STK32C: variants seen among roughly 807,000 people sequenced by gnomAD.
The protein encoded by STK32C is serine/threonine kinase 32C, also known as serine/threonine-protein kinase 32C.
STK32C carries 31 observed loss-of-function variants against 56.5 expected under a neutral mutation model. That is an observed-to-expected ratio of 0.55 (90% CI 0.41 to 0.74). The LOEUF (loss-of-function observed/expected upper bound fraction) is 0.74, where lower values mean the gene tolerates loss of function less well. STK32C is among the 30% of genes least tolerant of loss of function. The pLI is 0.00. For synonymous variants in STK32C, 309 were observed against 289.4 expected (o/e 1.07, Z -0.69); for missense variants, 544 against 676.9 (o/e 0.80, Z 2.18).
downstream of STK32C, among the ~76,000 whole-genome samples, chr10:132,319,343 A>T (rs1216434211): frequency 6.6e-6 from 1 of 152,256 alleles, no homozygotes; most frequent in Non-Finnish European, 1.5e-5. Context: ...GAATCTAGCC[A>T]AGAAAAATAA....
intron 1 of STK32C, among the ~76,000 whole-genome samples, chr10:132,283,835 G>A (rs926700479): frequency 3.3e-5 from 5 of 152,094 alleles, no homozygotes; most frequent in East Asian, 1.9e-4. Context: ...TTCTCCCCAC[G>A]CTCTGCTGGG....
intron 1 of STK32C, among the ~76,000 whole-genome samples, chr10:132,267,524 T>TGTCGGTGC (rs2064591736): frequency 6.9e-6 from 1 of 144,456 alleles, no homozygotes; most frequent in African/African-American, 2.6e-5. Context: ...TGTGTCAGTG[T>TGTCGGTGC]GTGTGCATGC....
chr10:132,235,554 T>G (rs1008835051), intron 2 of STK32C, among the ~76,000 whole-genome samples: 22 of 126,174 alleles, frequency 1.7e-4, no homozygotes, highest in African/African-American at 6.6e-4. Context: ...TGAACTAAAA[T>G]CTTTTTTACA....
intron 1 of STK32C, among the ~76,000 whole-genome samples, chr10:132,297,508 A>AT (rs1169006797): frequency 2.0e-5 from 3 of 151,928 alleles, no homozygotes; most frequent in Non-Finnish European, 2.9e-5. Context: ...TTCAGAACAG[A>AT]TTTTTTTTCC....
At chr10:132,259,609 C>T (rs952928327) in intron 1 of STK32C, among the ~76,000 whole-genome samples, 5 of 152,216 alleles carry the variant, frequency 3.3e-5, no homozygotes, top group African/African-American at 1.2e-4. Context: ...GCCATGAGAA[C>T]GTGCTGGCCT....
intron 1 of STK32C, among the ~76,000 whole-genome samples, chr10:132,248,081 C>T (rs909811103): frequency 1.9e-5 from 1 of 51,828 alleles, no homozygotes; most frequent in Non-Finnish European, 3.4e-5. Context: ...AACCTATGCA[C>T]GCCCAGAGAT....
In STK32C at chr10:132,254,497, C is replaced by T. The variant is rs951491091; in HGVS notation, c.263-8542G>A. Among the ~76,000 whole-genome samples, 594 of 127,896 alleles carry T rather than the reference C, an allele frequency of 4.6e-3. 4 individuals are homozygous for T. Among genetic ancestry groups the T allele is most frequent in the African/African-American group, 0.013 (423 of 33,468 alleles). 83.9% of individuals were successfully genotyped at this position (127,896 alleles called of 152,430 possible). A position where few individuals can be genotyped will look rare whatever the true frequency, so the allele number is the denominator to read the frequency against. On this transcript the variant is annotated intron_variant, in intron 1 of 11. Coordinates refer to ENST00000298630, the MANE Select transcript of STK32C (RefSeq NM_173575.4). ...GCGTGCACCCTCCACGAAGGCTGCC[C>T]CCAGACCTGGGAGCCCAGGAGAGTA...
chr10:132,298,405 G>A (rs534352833), intron 1 of STK32C, among the ~76,000 whole-genome samples: 11 of 152,262 alleles, frequency 7.2e-5, no homozygotes, highest in Non-Finnish European at 1.0e-4. Flanking sequence ...CGAAGAAGCC[G>A]AGACTCTGAG....
intron 2 of STK32C, among the ~76,000 whole-genome samples, chr10:132,230,923 C>G (rs536032141): frequency 1.3e-3 from 201 of 152,328 alleles, no homozygotes; most frequent in Non-Finnish European, 2.1e-3. Context: ...GCTCAACCCC[C>G]ACAGCCCACT....
chr10:132,309,079 G>T (rs757411207), upstream of STK32C, among the ~76,000 whole-genome samples: 1 of 152,206 alleles, frequency 6.6e-6, no homozygotes, highest in Non-Finnish European at 1.5e-5. Flanking sequence ...ACGATGAGCG[G>T]ATCCCCAACA....
chr10:132,314,145 C>G (rs1394429755), intron 1 of STK32C, among the ~76,000 whole-genome samples: 3 of 152,242 alleles, frequency 2.0e-5, no homozygotes, highest in Non-Finnish European at 4.4e-5. Context: ...CTCTGCCCTT[C>G]TGCATCTATA....
chr10:132,238,945 C>T (rs1043786546), intron 2 of STK32C, among the ~76,000 whole-genome samples: 6 of 152,184 alleles, frequency 3.9e-5, no homozygotes, highest in Non-Finnish European at 5.9e-5. Context: ...GCTGCAGTGC[C>T]GGGGTGACTG....
chr10:132,320,202 T>TG (rs1430184219), downstream of STK32C, among the ~76,000 whole-genome samples: 1 of 151,100 alleles, frequency 6.6e-6, no homozygotes, highest in African/African-American at 2.4e-5. Flanking sequence ...TAGGGGATGG[T>TG]GGGGGGTGTG....
intron 1 of STK32C, among the ~76,000 whole-genome samples, chr10:132,267,252 C>T (rs1436795855): frequency 2.0e-5 from 3 of 152,240 alleles, no homozygotes; most frequent in African/African-American, 7.2e-5. Context: ...TCCCTTGAAA[C>T]CTGGCCAAAA....
At chr10:132,328,466 G>A (rs538268556) in intron 1 of STK32C, among the ~76,000 whole-genome samples, 213 of 152,310 alleles carry the variant, frequency 1.4e-3, no homozygotes, top group Non-Finnish European at 2.5e-3. Context: ...GACTCTTGGA[G>A]CCAGAGGCTG....
At chr10:132,246,084 G>A (rs988589971) in intron 1 of STK32C, 129 bp from the exon 2 acceptor site, 3 of 924,834 alleles carry the variant, frequency 3.2e-6, no homozygotes, top group Non-Finnish European at 3.4e-6. Flanking sequence ...GGGTCGCCGT[G>A]GGGCGGGCCA....
At chr10:132,314,291 G>A (rs1485423755) in intron 1 of STK32C, among the ~76,000 whole-genome samples, 1 of 152,238 alleles carries the variant, frequency 6.6e-6, no homozygotes, top group Non-Finnish European at 1.5e-5. Context: ...TGACACTGCT[G>A]AGCTTTTCTG....
intron 1 of STK32C, among the ~76,000 whole-genome samples, chr10:132,257,020 C>T (rs2064146978): frequency 6.6e-6 from 1 of 152,166 alleles, no homozygotes; most frequent in Non-Finnish European, 1.5e-5. Flanking sequence ...GCAGAACAGC[C>T]CAGGAAGGAG....
intron 1 of STK32C, among the ~76,000 whole-genome samples, chr10:132,290,199 C>A (rs1036048215): frequency 6.6e-6 from 1 of 152,186 alleles, no homozygotes; most frequent in African/African-American, 2.4e-5. Flanking sequence ...CATGCCTCCC[C>A]GCTGGACACC....
Sources: gnomAD v4.1 joint callset for allele counts (sites outside exome capture counted in the v4.1 genomes callset) on GRCh38, gnomAD v4.1.1 for gene constraint, MANE v1.5 for transcripts, NCBI Gene and HGNC (gene_info 2026-07-23, HGNC 2026-07-21) for gene names.